The following FBXO47 variants were observed in gnomAD, a reference collection of about 807,000 sequenced individuals.
FBXO47 encodes the protein F-box protein 47.
Under a neutral mutation model 53.9 loss-of-function variants are expected in FBXO47, and 34 were observed. That is an observed-to-expected ratio of 0.63 (90% confidence interval 0.48 to 0.84). The LOEUF (loss-of-function observed/expected upper bound fraction) is 0.84, where lower values mean the gene tolerates loss of function less well. Among genes scored for constraint, FBXO47 ranks in the 40% least tolerant of loss-of-function variants. FBXO47 has a pLI of 0.00. For missense variants in FBXO47, 485 were observed against 541.3 expected (o/e 0.90, Z 1.03); for synonymous variants, 165 against 181.6 (o/e 0.91, Z 0.73).
chr17:38,941,752 T>C (rs1036884101), intron 9 of FBXO47, among the ~76,000 whole-genome samples: 2 of 150,316 alleles, frequency 1.3e-5, no homozygotes, highest in Non-Finnish European at 3.0e-5. Context: ...TGGTTCACTG[T>C]AACCTTAAAC....
At chr17:38,954,824 T>C in intron 5 of FBXO47, 32 bp downstream of exon 5, 2 of 1,286,950 alleles carry the variant, frequency 1.6e-6, no homozygotes, top group African/African-American at 1.5e-5. Flanking sequence ...TCCAAAGGTA[T>C]CCCTTTTCTT....
intron 7 of FBXO47, among the ~76,000 whole-genome samples, chr17:38,944,191 ATGTGTGTGTGTGTGTGTGTGTGTG>A (rs71141737): frequency 8.2e-5 from 11 of 133,614 alleles, no homozygotes; most frequent in Non-Finnish European, 1.6e-4. Flanking sequence ...CAAAAAAAAC[ATGTGTGTGTGTGTGTGTGTGTGTG>A]TGTGTGTGTG....
intron 1 of FBXO47, among the ~76,000 whole-genome samples, chr17:38,964,903 C>A (rs964906845): frequency 6.6e-6 from 1 of 152,074 alleles, no homozygotes; most frequent in Non-Finnish European, 1.5e-5. Context: ...CTGCAACCTC[C>A]CCCTCCCAGG....
In FBXO47 at chr17:38,941,620, T is replaced by TTATATATATATATA. The variant is rs3040090; in HGVS notation, c.1083+1144_1083+1157dup. Among the ~76,000 whole-genome samples the TTATATATATATATA allele has an allele frequency of 7.5e-3, 861 of 115,074 alleles. 11 individuals are homozygous for TTATATATATATATA. Among genetic ancestry groups the TTATATATATATATA allele is most frequent in the Admixed American group, 0.02 (195 of 9,854 alleles). The allele number at this position is 115,074 out of a possible 152,430, so 75.5% of individuals were successfully genotyped here. ...AAATGAATATTAAATAAATATAATA[T>TTATATATATATATA]TATATATATATATATATATATATAT... On this transcript the variant is annotated intron_variant, in intron 9 of 10. Coordinates refer to ENST00000378079, the MANE Select transcript of FBXO47 (RefSeq NM_001008777.3).
chr17:38,937,284 C>T lies in FBXO47; in HGVS notation c.1250G>A (p.Arg417His), dbSNP rs749405814. 2.7e-5 allele frequency: 42 copies of T among 1,547,378 alleles called. No homozygotes were observed. Among genetic ancestry groups the T allele is most frequent in the Middle Eastern group, 1.7e-4 (1 of 5,928 alleles). ...CAAAAAGCTTCTGTCATCTTCATCA[C>T]GGTCTCCTATATGCCATACATAGTG... ...EMLQSIMSGD[R>H]DEDDRSFLNL... is the part of the protein sequence containing the mutation. Residue 417 changes from arginine (R) to histidine (H), a missense_variant, in exon 11 of 11, where the codon CGT (arginine) becomes CAT (histidine). By Grantham distance (29) the Arg-to-His change is conservative. Coordinates refer to ENST00000378079, the MANE Select transcript of FBXO47 (RefSeq NM_001008777.3).
In FBXO47 at chr17:38,938,702, A is replaced by C. The variant is rs1261113082; in HGVS notation, c.1114T>G (p.Trp372Gly). 3 of 1,612,080 alleles carry C rather than the reference A, an allele frequency of 1.9e-6. No homozygotes were observed. Among genetic ancestry groups the C allele is most frequent in the Non-Finnish European group, 1.7e-6 (2 of 1,178,600 alleles). ...ACTTTTTGCATCATTTTAACTGTCC[A>C]ATCCATGCAGTACAGTTCTTTCTCA... ...VCEKELYCMD[W>G]TVKMMQKVCK... is the part of the protein sequence containing the mutation. Residue 372 changes from tryptophan (W) to glycine (G), a missense_variant, in exon 10 of 11, where the codon TGG becomes GGG. Trp to Gly is a radical substitution (Grantham distance 184). Transcript: ENST00000378079.
At chr17:38,959,435 T>C (rs6503738) in intron 3 of FBXO47, among the ~76,000 whole-genome samples, 67,072 of 151,332 alleles carry the variant, frequency 0.44, 16,021 homozygotes, top group African/African-American at 0.62. Context: ...CAAAAATTAG[T>C]TAGACATGGT....
At chr17:38,961,561 C>G (rs1306364667) in intron 3 of FBXO47, among the ~76,000 whole-genome samples, 1 of 152,162 alleles carries the variant, frequency 6.6e-6, no homozygotes, top group Non-Finnish European at 1.5e-5. Flanking sequence ...AGAGATAAAA[C>G]TCACTTGATC....
rs1905887961 is a variant in FBXO47 at position 38,962,937 on chromosome 17, G to A, written c.89C>T (p.Thr30Ile). Residue 30 changes from threonine to isoleucine, a missense_variant, in exon 2 of 11, where the codon ACC becomes ATC. Coordinates refer to ENST00000378079, the MANE Select transcript of FBXO47 (RefSeq NM_001008777.3). ...SNRQTSCYSK[T>I]LGSGFQPIST... Reference sequence around the variant, plus strand: ...TATGGGTTGAAAGCCTGAGCCAAGGGTCTTGGAATAACAGCTGGTTTGACG... The same window carrying A: ...TATGGGTTGAAAGCCTGAGCCAAGGATCTTGGAATAACAGCTGGTTTGACG... The A allele has an allele frequency of 6.2e-7, 1 of 1,613,056 alleles. No homozygotes were observed. The highest frequency in any genetic ancestry group is 8.5e-7 in the Non-Finnish European group (1 of 1,179,146).
Position 38,938,668 on chromosome 17 carries a change from A to T in FBXO47, c.1148T>A (p.Val383Asp). 6.2e-7 allele frequency: 1 copy of T among 1,613,578 alleles called. No homozygotes were observed. Among genetic ancestry groups the T allele is most frequent in the Non-Finnish European group, 8.5e-7 (1 of 1,179,610 alleles). Residue 383 changes from valine to aspartate, a missense_variant, in exon 10 of 11, where the codon GTC (valine) becomes GAC (aspartate). Physicochemically the swap from Val to Asp is radical, Grantham distance 152 (BLOSUM62 -3). Transcript: ENST00000378079. ...TVKMMQKVCK[V>D]FSTPVERKNF... is the part of the protein sequence containing the mutation. ...CTTTCTTTCCACTGGAGTGCTAAAG[A>T]CTTTGCAGACTTTTTGCATCATTTT... is the stretch of plus-strand genomic sequence containing the variant.
At chr17:38,962,536 G>A (rs1403713722) in intron 2 of FBXO47, among the ~76,000 whole-genome samples, 1 of 151,528 alleles carries the variant, frequency 6.6e-6, no homozygotes, top group African/African-American at 2.4e-5. Context: ...AACCCGGGAA[G>A]TGGAGGTTGC....
chr17:38,966,510 GGT>G (rs1485540347), intron 1 of FBXO47, among the ~76,000 whole-genome samples: 3 of 152,122 alleles, frequency 2.0e-5, no homozygotes, highest in African/African-American at 7.2e-5. Flanking sequence ...CAACACAGTA[GGT>G]GTTTTAAAGC....
chr17:38,954,719 A>G (rs1450097966), intron 5 of FBXO47, 137 bp downstream of exon 5: 1 of 535,374 alleles, frequency 1.9e-6, no homozygotes, highest in Non-Finnish European at 3.2e-6. Context: ...AGATTAATAC[A>G]TTCTCAAATC....
At position 38,936,610 on chromosome 17, in the gene FBXO47, CAT is replaced by C. The variant is rs1203874174; in HGVS notation, c.*563_*564del. On this transcript the variant is annotated 3_prime_UTR_variant, in exon 11 of 11. Coordinates refer to ENST00000378079, the MANE Select transcript of FBXO47 (RefSeq NM_001008777.3). ...GTGTGTGTCTATATATATATATAGA[CAT>C]ATATGTATACTTTGTTTTTTATCCA... 1 of 150,908 alleles carries C rather than the reference CAT, an allele frequency of 6.6e-6. No individual in the cohort carries two copies. Among genetic ancestry groups the C allele is most frequent in the African/African-American group, 2.5e-5 (1 of 40,736 alleles). The allele number at this position is 150,908 out of a possible 1,614,324, so 9.3% of individuals were successfully genotyped here.
chr17:38,955,640 A>G lies in FBXO47; in HGVS notation c.430-707T>C, dbSNP rs373053817. Among the ~76,000 whole-genome samples, 48 of 151,406 alleles carry G rather than the reference A, an allele frequency of 3.2e-4. No homozygotes were observed. The East Asian group carries it at 6.6e-3, about 21-fold the overall frequency. On this transcript the variant is annotated intron_variant, in intron 4 of 10. Transcript: ENST00000378079. ...CTTTTAGTAGAGACGGGGTTTCACC[A>G]TGTTTTATAACTTCTTGTATAAAAC...
chr17:38,941,649 T>C (rs1451949474), intron 9 of FBXO47, among the ~76,000 whole-genome samples: 3 of 142,314 alleles, frequency 2.1e-5, no homozygotes, highest in South Asian at 4.5e-4. Flanking sequence ...TATATATGTA[T>C]GTGTATATGT....
In FBXO47 at chr17:38,957,288, A is replaced by C. The variant is rs554421794; in HGVS notation, c.353-35T>G. On this transcript the variant is annotated intron_variant, in intron 3 of 10. Coordinates refer to ENST00000378079, the MANE Select transcript of FBXO47 (RefSeq NM_001008777.3). ...TAAAGAGACATAAGAAAAAATGACA[A>C]CAATACAATTAAGAACATCAATAGA... The C allele has an allele frequency of 3.6e-6, 5 of 1,406,020 alleles. No individual in the cohort carries two copies. The African/African-American group carries it at 7.1e-5, about 20-fold the overall frequency. 87.1% of individuals were successfully genotyped at this position (1,406,020 alleles called of 1,614,324 possible). A position where few individuals can be genotyped will look rare whatever the true frequency, so the allele number is the denominator to read the frequency against.
In FBXO47 at chr17:38,954,083, A is replaced by C. The variant is rs140049384; in HGVS notation, c.507+773T>G. On this transcript the variant is annotated intron_variant, in intron 5 of 10. Coordinates refer to ENST00000378079, the MANE Select transcript of FBXO47 (RefSeq NM_001008777.3). Reference sequence around the variant, plus strand: ...CGAGGTGGGTGGATTGCTTGAGGTCAGGAGTTCGAGACCAGCCTGACCAAC... The same window carrying C: ...CGAGGTGGGTGGATTGCTTGAGGTCCGGAGTTCGAGACCAGCCTGACCAAC... Among the ~76,000 whole-genome samples the C allele has an allele frequency of 2.1e-3, 317 of 152,240 alleles. 2 individuals are homozygous for C. The highest frequency in any genetic ancestry group is 7.2e-3 in the African/African-American group (301 of 41,532).
At chr17:38,943,943 G>A (rs895771597) in intron 7 of FBXO47, among the ~76,000 whole-genome samples, 1 of 152,148 alleles carries the variant, frequency 6.6e-6, no homozygotes, top group Non-Finnish European at 1.5e-5. Flanking sequence ...TGTAATCCCA[G>A]CACTTTAGGA....
Sources: gnomAD v4.1 joint callset for allele counts (sites outside exome capture counted in the v4.1 genomes callset) on GRCh38, gnomAD v4.1.1 for gene constraint, MANE v1.5 for transcripts, NCBI Gene and HGNC (gene_info 2026-07-23, HGNC 2026-07-21) for gene names.